WDFY2: variants seen among roughly 807,000 people sequenced by gnomAD.
The protein encoded by WDFY2 is WD repeat and FYVE domain-containing protein 2.
Under a neutral mutation model 56.4 loss-of-function variants are expected in WDFY2, and 36 were observed. That is an observed-to-expected ratio of 0.64 (90% CI 0.49 to 0.84). The LOEUF (loss-of-function observed/expected upper bound fraction) is 0.84, where lower values mean the gene tolerates loss of function less well. WDFY2 is among the 40% of genes least tolerant of loss of function. WDFY2 has a pLI of 0.00. For synonymous variants in WDFY2, 176 were observed against 183.7 expected (o/e 0.96, Z 0.34); for missense variants, 444 against 512.2 (o/e 0.87, Z 1.29).
chr13:51,713,256 G>T (rs1238377731), intron 4 of WDFY2, among the ~76,000 whole-genome samples: 2 of 152,216 alleles, frequency 1.3e-5, no homozygotes, highest in South Asian at 2.1e-4. Context: ...CCAGCAATAT[G>T]TAAAAAAGAT....
At chr13:51,612,140 C>A (rs534090317) in intron 1 of WDFY2, among the ~76,000 whole-genome samples, 11 of 152,186 alleles carry the variant, frequency 7.2e-5, no homozygotes, top group African/African-American at 2.6e-4. Flanking sequence ...AATTACAGAG[C>A]TTTACATGGA....
chr13:51,671,944 C>A (rs147690821), intron 2 of WDFY2, among the ~76,000 whole-genome samples: 1 of 151,762 alleles, frequency 6.6e-6, no homozygotes, highest in Non-Finnish European at 1.5e-5. Flanking sequence ...CCGTCACACC[C>A]GCCTAATTTT....
intron 8 of WDFY2, among the ~76,000 whole-genome samples, chr13:51,754,116 C>T (rs950377209): frequency 1.3e-5 from 2 of 149,084 alleles, no homozygotes; most frequent in East Asian, 2.0e-4. Flanking sequence ...AAAAAGTTTA[C>T]TTAATTGATG....
At chr13:51,756,809 G>T (rs1158262902) in intron 10 of WDFY2, among the ~76,000 whole-genome samples, 1 of 152,180 alleles carries the variant, frequency 6.6e-6, no homozygotes, top group Non-Finnish European at 1.5e-5. Context: ...TCCCAAGCTG[G>T]TATCTTTACA....
At chr13:51,654,841 A>G (rs913500888) in intron 1 of WDFY2, among the ~76,000 whole-genome samples, 2 of 152,068 alleles carry the variant, frequency 1.3e-5, no homozygotes, top group African/African-American at 2.4e-5. Context: ...AGATATTTTT[A>G]TATACTGTAC....
intron 2 of WDFY2, among the ~76,000 whole-genome samples, chr13:51,669,743 T>C (rs778383018): frequency 2.0e-5 from 3 of 152,114 alleles, no homozygotes; most frequent in Non-Finnish European, 4.4e-5. Flanking sequence ...AGTTATTGGG[T>C]TAGTAAAGAA....
intron 2 of WDFY2, among the ~76,000 whole-genome samples, chr13:51,668,053 G>A (rs1050441010): frequency 2.6e-5 from 4 of 151,590 alleles, no homozygotes; most frequent in Admixed American, 2.0e-4. Context: ...CACTGCGCCC[G>A]GCTAATTTTT....
intron 1 of WDFY2, among the ~76,000 whole-genome samples, chr13:51,651,948 A>G (rs1015474928): frequency 1.0e-3 from 154 of 152,148 alleles, no homozygotes; most frequent in African/African-American, 3.5e-3. Context: ...CAATTCCTGG[A>G]TATCCTTGTT....
chr13:51,652,937 T>C (rs958780630), intron 1 of WDFY2, among the ~76,000 whole-genome samples: 5 of 152,212 alleles, frequency 3.3e-5, no homozygotes, highest in Non-Finnish European at 7.3e-5. Flanking sequence ...ATTTCCTGAA[T>C]GTGAATGTTG....
At chr13:51,608,637 C>T (rs1319054282) in intron 1 of WDFY2, among the ~76,000 whole-genome samples, 1 of 152,218 alleles carries the variant, frequency 6.6e-6, no homozygotes, top group East Asian at 1.9e-4. Context: ...GACGAGCTCG[C>T]ACCACTGCAT....
At chr13:51,756,878 T>A (rs1165954345) in intron 10 of WDFY2, among the ~76,000 whole-genome samples, 1 of 152,200 alleles carries the variant, frequency 6.6e-6, no homozygotes, top group Admixed American at 6.5e-5. Context: ...GCTAAGTCGC[T>A]TTACCCAAGA....
At chr13:51,631,839 T>C (rs1954958869) in intron 1 of WDFY2, among the ~76,000 whole-genome samples, 1 of 152,236 alleles carries the variant, frequency 6.6e-6, no homozygotes, top group Admixed American at 6.5e-5. Flanking sequence ...TAGACCTCTC[T>C]AGCTTTGTTA....
At chr13:51,662,778 C>T (rs1344968997) in intron 2 of WDFY2, among the ~76,000 whole-genome samples, 1 of 152,182 alleles carries the variant, frequency 6.6e-6, no homozygotes, top group East Asian at 1.9e-4. Flanking sequence ...GAGAGGATTA[C>T]CATCCATTTT....
chr13:51,627,739 G>C (rs1954864488), intron 1 of WDFY2, among the ~76,000 whole-genome samples: 1 of 152,140 alleles, frequency 6.6e-6, no homozygotes, highest in Non-Finnish European at 1.5e-5. Flanking sequence ...GGCAAGTGGA[G>C]GGTGAGCAAG....
intron 5 of WDFY2, among the ~76,000 whole-genome samples, chr13:51,725,038 T>C (rs1180085175): frequency 1.3e-5 from 2 of 152,206 alleles, no homozygotes; most frequent in Non-Finnish European, 2.9e-5. Context: ...TATATAAATG[T>C]GTGTGTATTT....
intron 7 of WDFY2, among the ~76,000 whole-genome samples, chr13:51,750,157 G>T (rs897022205): frequency 2.6e-5 from 4 of 152,102 alleles, no homozygotes; most frequent in Non-Finnish European, 2.9e-5. Context: ...TCTATTAAAA[G>T]AATTTTTATG....
chr13:51,727,445 A>G (rs1952628210), intron 5 of WDFY2, among the ~76,000 whole-genome samples: 1 of 152,090 alleles, frequency 6.6e-6, no homozygotes, highest in South Asian at 2.1e-4. Context: ...AAATATATAG[A>G]TTTATTTTAT....
At chr13:51,719,442 T>C in intron 5 of WDFY2, 94 bp downstream of exon 5, 3 of 1,395,960 alleles carry the variant, frequency 2.1e-6, no homozygotes, top group African/African-American at 2.9e-5. Flanking sequence ...TTGAAAGTTT[T>C]GTTAATGACA....
chr13:51,674,675 C>T (rs1318254891), intron 2 of WDFY2, among the ~76,000 whole-genome samples: 1 of 152,096 alleles, frequency 6.6e-6, no homozygotes, highest in Non-Finnish European at 1.5e-5. Flanking sequence ...TCACACGCCC[C>T]GAATCAATTC....
Sources: gnomAD v4.1 joint callset for allele counts (sites outside exome capture counted in the v4.1 genomes callset) on GRCh38, gnomAD v4.1.1 for gene constraint, MANE v1.5 for transcripts, NCBI Gene and HGNC (gene_info 2026-07-23, HGNC 2026-07-21) for gene names.